The following USP24 variants were observed in gnomAD, a reference collection of about 807,000 sequenced individuals.
The protein encoded by USP24 is ubiquitin specific peptidase 24, also known as ubiquitin carboxyl-terminal hydrolase 24.
A neutral mutation model predicts 361.6 loss-of-function variants in USP24; 97 were observed. The observed-to-expected ratio is 0.27, with a 90% CI of 0.23 to 0.32. The LOEUF (loss-of-function observed/expected upper bound fraction) is 0.32, where lower values mean the gene tolerates loss of function less well. USP24 is among the 10% of genes least tolerant of loss of function. The pLI, the probability that USP24 is intolerant of heterozygous loss-of-function variation, is 1.00. For synonymous variants in USP24, 1,098 were observed against 1,124.6 expected, an observed-to-expected ratio of 0.98 and a Z score of 0.47; for missense variants, 2,353 against 3,165.6, an observed-to-expected ratio of 0.74 and a Z score of 6.16.
At chr1:55,151,668 A>C (rs941700316) in intron 16 of USP24, among the ~76,000 whole-genome samples, 10 of 152,160 alleles carry the variant, frequency 6.6e-5, no homozygotes, top group Admixed American at 5.2e-4. Context: ...GTGACATAAG[A>C]GGGAAGGATT....
At position 55,139,041 on chromosome 1, in the gene USP24, G is replaced by A. The variant is rs1420145401; in HGVS notation, c.2751-31C>T. The A allele has an allele frequency of 2.3e-5, 36 of 1,544,996 alleles. No homozygotes were observed. The Admixed American group carries it at 6.4e-4, about 27-fold the overall frequency. ...GATTAAAAAAAAAAAGTATTAAAAT[G>A]TATTTGAAGTGTGATGATCTGAGCT... On this transcript the variant is annotated intron_variant, in intron 24 of 67. Transcript: ENST00000294383.
In USP24 at chr1:55,099,756, TACA is replaced by T; in HGVS notation, c.5370+12_5370+14del. ...GAGTTTGAGGGAGTTAGAGGGAAAG[TACA>T]ACTTTTACTACCTTGAGGTATTCAT... On this transcript the variant is annotated intron_variant, in intron 45 of 67. Transcript: ENST00000294383. The T allele has an allele frequency of 6.5e-7, 1 of 1,536,088 alleles. No individual in the cohort carries two copies. Among genetic ancestry groups the T allele is most frequent in the Admixed American group, 2.0e-5 (1 of 50,576 alleles).
At chr1:55,159,549 C>A in intron 9 of USP24, 62 bp downstream of exon 9, 1 of 1,430,428 alleles carries the variant, frequency 7.0e-7, no homozygotes, top group South Asian at 1.2e-5. Context: ...CCTGCTAAGT[C>A]CTGGCTCTGC....
chr1:55,129,648 T>A, intron 31 of USP24, 74 bp from the exon 32 acceptor site: 1 of 1,191,048 alleles, frequency 8.4e-7, no homozygotes, highest in Non-Finnish European at 1.2e-6. Context: ...AATAAAACAT[T>A]CAGACAACTT....
At chr1:55,093,873 C>T in intron 52 of USP24, 64 bp downstream of exon 52, 1 of 1,594,026 alleles carries the variant, frequency 6.3e-7, no homozygotes, top group Non-Finnish European at 8.6e-7. Flanking sequence ...ACTTCTGGAC[C>T]TACTAGATAC....
rs753750472 is a variant in USP24 at position 55,125,536 on chromosome 1, G to A, written c.3744C>T (p.Val1248=). The A allele has an allele frequency of 9.9e-6, 16 of 1,612,400 alleles. No homozygotes were observed. Among genetic ancestry groups the A allele is most frequent in the Middle Eastern group, 1.6e-4 (1 of 6,082 alleles). Residue 1248 remains valine (V), a synonymous_variant, in exon 34 of 68, where the codon GTC becomes GTT. Transcript: ENST00000294383. The stretch of plus-strand genomic sequence containing the variant: ...CTAATAACGTGGGCATTGTTTGTCC[G>A]ACAAGTAAAAATCTTAAAAAGAAAC... The part of the protein sequence containing the change: ...ICLQLARFLL[V]GQTMPTLLDE...
At chr1:55,085,825 G>T in intron 56 of USP24, 117 bp downstream of exon 56, 2 of 957,444 alleles carry the variant, frequency 2.1e-6, no homozygotes, top group Non-Finnish European at 3.1e-6. Context: ...TTCACAGAAG[G>T]TGTATTTATG....
At chr1:55,080,744 G>A (rs1261507072) in intron 59 of USP24, among the ~76,000 whole-genome samples, 1 of 152,156 alleles carries the variant, frequency 6.6e-6, no homozygotes, top group Non-Finnish European at 1.5e-5. Flanking sequence ...AATCATATAG[G>A]ACAATTTGTG....
intron 60 of USP24, 90 bp downstream of exon 60, chr1:55,079,448 A>G (rs962750476): frequency 6.7e-7 from 1 of 1,485,914 alleles, no homozygotes; most frequent in Admixed American, 2.5e-5. Flanking sequence ...TTTCTTAACA[A>G]TACTCTTCAT....
intron 1 of USP24, among the ~76,000 whole-genome samples, chr1:55,198,856 TTAATAAA>T (rs1466151356): frequency 6.6e-6 from 1 of 152,242 alleles, no homozygotes; most frequent in African/African-American, 2.4e-5. Context: ...TTGGTTTTCC[TTAATAAA>T]TAATAAAATA....
In USP24 at chr1:55,166,577, C is replaced by T; in HGVS notation, c.852G>A (p.Leu284=). The T allele has an allele frequency of 6.3e-7, 1 of 1,591,808 alleles. No homozygotes were observed. The change falls in exon 6 of 68, where the codon TTG becomes TTA. Residue 284 remains leucine, a synonymous_variant. Coordinates refer to ENST00000294383, the MANE Select transcript of USP24 (RefSeq NM_015306.3). ...QKEPHGWVVD[L]VNKFGELGGF... ...AACAAAAGTCATATACCTTATTTAC[C>T]AAATCCACAACCCATCCATGAGGCT...
chr1:55,122,363 T>G (rs1646306936), intron 36 of USP24, among the ~76,000 whole-genome samples: 2 of 151,746 alleles, frequency 1.3e-5, no homozygotes, highest in Non-Finnish European at 1.5e-5. Context: ...CGAAGCACAG[T>G]GAGTAAAGGG....
chr1:55,133,662 G>A (rs1361244788), intron 30 of USP24, among the ~76,000 whole-genome samples: 1 of 148,318 alleles, frequency 6.7e-6, no homozygotes, highest in Non-Finnish European at 1.5e-5. Context: ...TTTTGAGACA[G>A]GGTCTTGCTT....
chr1:55,110,899 A>G (rs1328243320), intron 38 of USP24, among the ~76,000 whole-genome samples: 1 of 152,130 alleles, frequency 6.6e-6, no homozygotes, highest in African/African-American at 2.4e-5. Flanking sequence ...TTACTATAGT[A>G]TTGGAAATAA....
Position 55,128,346 on chromosome 1 carries a change from G to A in USP24, c.3635+1131C>T, listed in dbSNP as rs150805648. 1.5e-3 allele frequency among the ~76,000 whole-genome samples: 229 copies of A among 152,118 alleles called. 1 individual carries two copies. The highest frequency in any genetic ancestry group is 5.4e-3 in the African/African-American group (223 of 41,500). ...AGAGTAATTGTTTCAGGTAATTCTC[G>A]GCTTAGTAACTGCCTGTTTTTTCAT... On this transcript the variant is annotated intron_variant, in intron 32 of 67. Coordinates refer to ENST00000294383, the MANE Select transcript of USP24 (RefSeq NM_015306.3).
intron 31 of USP24, 70 bp downstream of exon 31, chr1:55,132,475 T>A: frequency 6.7e-7 from 1 of 1,487,292 alleles, no homozygotes; most frequent in Non-Finnish European, 9.0e-7. Flanking sequence ...ATTTCTGACA[T>A]CTGAAAGCAT....
chr1:55,078,459 T>C (rs1570348077), intron 61 of USP24, 79 bp downstream of exon 61: 5 of 1,099,126 alleles, frequency 4.5e-6, no homozygotes, highest in East Asian at 5.5e-5. Context: ...ACAAGCATAC[T>C]GCCTTGGAGC....
rs1420418690 is a variant in USP24, at chr1:55,071,806, C to T, written c.7800+8G>A. ...CCTTTGCACACAAGGACATGCTGAC[C>T]GTTATACCTGCTGTAGATGCCTGTC... On this transcript the variant is annotated splice_region_variant and intron_variant, in intron 67 of 67. Coordinates refer to ENST00000294383, the MANE Select transcript of USP24 (RefSeq NM_015306.3). The T allele has an allele frequency of 6.8e-6, 11 of 1,608,982 alleles. No individual in the cohort carries two copies. Among genetic ancestry groups the T allele is most frequent in the African/African-American group, 4.0e-5 (3 of 74,894 alleles).
At chr1:55,114,338 A>G (rs1646043114) in intron 38 of USP24, among the ~76,000 whole-genome samples, 1 of 152,218 alleles carries the variant, frequency 6.6e-6, no homozygotes, top group Admixed American at 6.5e-5. Context: ...TATAGATTCA[A>G]CGCTATCCCC....
Sources: allele counts gnomAD v4.1 joint callset (sites outside exome capture counted in the v4.1 genomes callset), GRCh38; gene constraint gnomAD v4.1.1; transcripts MANE v1.5; gene names NCBI Gene and HGNC (gene_info 2026-07-23, HGNC 2026-07-21).